Variants in KLHL32 observed in about 807,000 individuals in gnomAD.
KLHL32 encodes the protein kelch like family member 32.
Under a neutral mutation model 64.8 loss-of-function variants are expected in KLHL32, and 35 were observed. The ratio of observed to expected loss-of-function variants is 0.54; its 90% CI spans 0.41 to 0.72. KLHL32 has a LOEUF of 0.72. Ranked by LOEUF, KLHL32 falls within the 30% of genes least tolerant of loss-of-function variation. The pLI is 0.00. For synonymous variants in KLHL32, 259 were observed against 281.0 expected (o/e 0.92, Z 0.78); for missense variants, 589 against 768.5 (o/e 0.77, Z 2.76).
chr6:97,100,082 C>T (rs753066405), intron 6 of KLHL32, among the ~76,000 whole-genome samples: 43 of 151,998 alleles, frequency 2.8e-4, no homozygotes, highest in Non-Finnish European at 6.0e-4. Flanking sequence ...GTGGAGGTAG[C>T]AGTACGCCAA....
chr6:97,119,087 G>T (rs1257665928), intron 7 of KLHL32, among the ~76,000 whole-genome samples: 1 of 152,100 alleles, frequency 6.6e-6, no homozygotes, highest in Admixed American at 6.6e-5. Context: ...TAATTATCTT[G>T]TCCTCTGGGA....
intron 2 of KLHL32, among the ~76,000 whole-genome samples, chr6:96,968,945 T>C (rs1774804965): frequency 1.3e-5 from 2 of 152,178 alleles, no homozygotes; most frequent in Non-Finnish European, 2.9e-5. Context: ...AATTGATTGT[T>C]TGAGAAAGCC....
chr6:97,115,893 A>G (rs1323930193), intron 7 of KLHL32, among the ~76,000 whole-genome samples: 1 of 152,218 alleles, frequency 6.6e-6, no homozygotes, highest in Non-Finnish European at 1.5e-5. Context: ...GTACACCTGC[A>G]AAGGCTTCTC....
intron 7 of KLHL32, among the ~76,000 whole-genome samples, chr6:97,118,707 G>A (rs1391163111): frequency 1.3e-5 from 2 of 151,130 alleles, no homozygotes; most frequent in African/African-American, 2.4e-5. Context: ...TGAGACCACA[G>A]ACCGTGGTCA....
intron 4 of KLHL32, among the ~76,000 whole-genome samples, chr6:97,063,817 G>T (rs1789292468): frequency 6.6e-6 from 1 of 152,216 alleles, no homozygotes; most frequent in Non-Finnish European, 1.5e-5. Flanking sequence ...AAATGGGTTA[G>T]AATGGAGGGC....
At chr6:96,987,418 C>G (rs1777248523) in intron 3 of KLHL32, among the ~76,000 whole-genome samples, 2 of 151,996 alleles carry the variant, frequency 1.3e-5, no homozygotes, top group Admixed American at 1.3e-4. Context: ...TGTCTTTGTT[C>G]TCGTTGGCAA....
intron 6 of KLHL32, among the ~76,000 whole-genome samples, chr6:97,108,816 G>A (rs556423801): frequency 2.2e-4 from 33 of 152,244 alleles, no homozygotes; most frequent in African/African-American, 7.7e-4. Context: ...TACCTCATCC[G>A]TAATATTAAG....
intron 3 of KLHL32, 63 bp from the exon 4 acceptor site, chr6:97,041,429 A>G: frequency 9.3e-7 from 1 of 1,071,006 alleles, no homozygotes; most frequent in Non-Finnish European, 1.4e-6. Context: ...TCTCTCTAGA[A>G]TTTTGTCTTG....
At chr6:97,001,857 T>G (rs1779075866) in intron 3 of KLHL32, among the ~76,000 whole-genome samples, 1 of 152,214 alleles carries the variant, frequency 6.6e-6, no homozygotes, top group African/African-American at 2.4e-5. Context: ...TAAAGGTTGT[T>G]GCCGTTCATC....
At chr6:96,919,858 G>C (rs1379325555), upstream of KLHL32, among the ~76,000 whole-genome samples, 1 of 152,152 alleles carries the variant, frequency 6.6e-6, no homozygotes, top group African/African-American at 2.4e-5. Flanking sequence ...TTTGGTTCCT[G>C]GTGTTTTCTC....
At chr6:97,047,226 C>G (rs1178663714) in intron 4 of KLHL32, among the ~76,000 whole-genome samples, 1 of 152,220 alleles carries the variant, frequency 6.6e-6, no homozygotes, top group Non-Finnish European at 1.5e-5. Flanking sequence ...TATCAAGTAG[C>G]AAACAGGGCT....
intron 1 of KLHL32, among the ~76,000 whole-genome samples, chr6:96,925,850 CTT>C (rs1479270126): frequency 6.6e-6 from 1 of 152,120 alleles, no homozygotes; most frequent in East Asian, 1.9e-4. Context: ...TAAAAAATCT[CTT>C]ATTGATTATT....
At chr6:97,103,434 C>T (rs1008675464) in intron 6 of KLHL32, among the ~76,000 whole-genome samples, 2 of 152,048 alleles carry the variant, frequency 1.3e-5, no homozygotes, top group African/African-American at 2.4e-5. Flanking sequence ...AGGATGGTCT[C>T]GATCTCCTGA....
At chr6:97,024,205 T>C (rs1166750808) in intron 3 of KLHL32, among the ~76,000 whole-genome samples, 1 of 152,226 alleles carries the variant, frequency 6.6e-6, no homozygotes, top group East Asian at 1.9e-4. Context: ...GCAGTCAACC[T>C]GGCATTTTAT....
chr6:97,059,020 A>T lies in KLHL32; in HGVS notation c.313-5608A>T, dbSNP rs117119785. On this transcript the variant is annotated intron_variant, in intron 4 of 10. Transcript: ENST00000369261. ...AAGAACACTGAGGCACCTGGAGTTG[A>T]GCTGTTCTCCCAAGTTGATTCTGTC... Among the ~76,000 whole-genome samples, 900 of 152,322 alleles carry T rather than the reference A, an allele frequency of 5.9e-3. 8 individuals are homozygous for T. Among genetic ancestry groups the T allele is most frequent in the South Asian group, 0.029 (138 of 4,826 alleles).
chr6:97,118,025 T>A (rs1017608777), intron 7 of KLHL32, among the ~76,000 whole-genome samples: 3 of 152,230 alleles, frequency 2.0e-5, no homozygotes, highest in Admixed American at 1.3e-4. Context: ...TACATGAAAT[T>A]AATTTAGCAA....
At chr6:97,009,415 G>T (rs1004590568) in intron 3 of KLHL32, among the ~76,000 whole-genome samples, 1 of 152,008 alleles carries the variant, frequency 6.6e-6, no homozygotes, top group Admixed American at 6.6e-5. Context: ...GGCTCTCTGG[G>T]CACCTAAAAC....
rs760842410 is a variant in KLHL32 at position 97,132,680 on chromosome 6, A to G, written c.1634A>G (p.His545Arg). The change falls in exon 10 of 11, where the codon CAT becomes CGT. Residue 545 changes from histidine to arginine, a missense_variant. By Grantham distance (29) the His-to-Arg change is conservative. Coordinates refer to ENST00000369261, the MANE Select transcript of KLHL32 (RefSeq NM_052904.4). The part of the protein sequence containing the change: ...TGQNESGVAV[H>R]NGRIYLVGGY... ...CAAAATGAATCTGGAGTTGCTGTCC[A>G]TAATGGGAGAATATATTTAGTTGGT... 6.8e-6 allele frequency: 11 copies of G among 1,613,038 alleles called. No individual in the cohort carries two copies. Among genetic ancestry groups the G allele is most frequent in the African/African-American group, 4.0e-5 (3 of 74,888 alleles).
At chr6:96,980,060 G>T (rs1366961101) in intron 3 of KLHL32, among the ~76,000 whole-genome samples, 1 of 152,046 alleles carries the variant, frequency 6.6e-6, no homozygotes, top group Non-Finnish European at 1.5e-5. Context: ...GGAGATATGG[G>T]GCAGAGACTA....
Sources: gnomAD v4.1 joint callset for allele counts (sites outside exome capture counted in the v4.1 genomes callset) on GRCh38, gnomAD v4.1.1 for gene constraint, MANE v1.5 for transcripts, NCBI Gene and HGNC (gene_info 2026-07-23, HGNC 2026-07-21) for gene names.